Variants in LMO7 observed in about 807,000 individuals in gnomAD.
The protein encoded by LMO7 is LIM domain only protein 7.
Under a neutral mutation model 206.5 loss-of-function variants are expected in LMO7, and 120 were observed. The observed-to-expected ratio is 0.58, with a 90% CI of 0.50 to 0.68. The LOEUF (loss-of-function observed/expected upper bound fraction) is 0.68, where lower values mean the gene tolerates loss of function less well. LMO7 is among the 30% of genes least tolerant of loss of function. The pLI, the probability that LMO7 is intolerant of heterozygous loss-of-function variation, is 0.00. For synonymous variants in LMO7, 706 were observed against 681.5 expected, an observed-to-expected ratio of 1.04 and a Z score of -0.56; for missense variants, 1,959 against 1,957.9, an observed-to-expected ratio of 1.00 and a Z score of -0.01.
At chr13:75,791,719 G>T (rs2053305971) in intron 4 of LMO7, among the ~76,000 whole-genome samples, 1 of 152,106 alleles carries the variant, frequency 6.6e-6, no homozygotes. Flanking sequence ...TGTGTCAGGT[G>T]GGCTAGTTGC....
chr13:75,734,201 T>C (rs1234461338), intron 3 of LMO7, among the ~76,000 whole-genome samples: 4 of 152,194 alleles, frequency 2.6e-5, no homozygotes, highest in Admixed American at 2.6e-4. Flanking sequence ...GGATTTTGTG[T>C]ATAAAATATA....
intron 3 of LMO7, among the ~76,000 whole-genome samples, chr13:75,746,486 T>C (rs1327827103): frequency 6.6e-6 from 1 of 152,166 alleles, no homozygotes; most frequent in Non-Finnish European, 1.5e-5. Flanking sequence ...TGGAATGGCC[T>C]GCGGGTGGGT....
intron 13 of LMO7, among the ~76,000 whole-genome samples, chr13:75,820,604 T>C (rs1395639189): frequency 6.6e-6 from 1 of 152,248 alleles, no homozygotes; most frequent in East Asian, 1.9e-4. Context: ...CATTAAAATC[T>C]CTTTACAATT....
rs183423960 is a variant in LMO7, at chr13:75,782,289, G to A, written c.318-13112G>A. ...TGAGGATTAAAAGGGAGAATTAGGAGTAGGTGTTTCATTTTCTTCAGCCAA... is the reference window on the plus strand; with the variant it reads ...TGAGGATTAAAAGGGAGAATTAGGAATAGGTGTTTCATTTTCTTCAGCCAA... On this transcript the variant is annotated intron_variant, in intron 4 of 30. Transcript: ENST00000377534. Among the ~76,000 whole-genome samples, 4 of 152,324 alleles carry A rather than the reference G, an allele frequency of 2.6e-5. No individual in the cohort carries two copies. The East Asian group carries it at 7.7e-4, about 29-fold the overall frequency.
chr13:75,717,772 C>T (rs1284320866), intron 2 of LMO7, among the ~76,000 whole-genome samples: 1 of 152,130 alleles, frequency 6.6e-6, no homozygotes, highest in South Asian at 2.1e-4. Context: ...CCCCCTGGGG[C>T]TTCCATGCAG....
At chr13:75,637,214 G>A (rs1419115481) in intron 1 of LMO7, among the ~76,000 whole-genome samples, 2 of 152,194 alleles carry the variant, frequency 1.3e-5, no homozygotes, top group East Asian at 3.9e-4. Context: ...GGGAGGGCAG[G>A]TGGAGGAGGT....
intron 1 of LMO7, among the ~76,000 whole-genome samples, chr13:75,704,387 C>G (rs2042504278): frequency 6.6e-6 from 1 of 152,088 alleles, no homozygotes; most frequent in South Asian, 2.1e-4. Flanking sequence ...TGGTTTGTAT[C>G]TTAAGTATCA....
intron 15 of LMO7, among the ~76,000 whole-genome samples, chr13:75,832,505 G>A (rs1365276852): frequency 1.3e-5 from 2 of 152,124 alleles, no homozygotes; most frequent in Non-Finnish European, 2.9e-5. Context: ...TCTTCATGTG[G>A]CATTTGGGCA....
At chr13:75,851,746 A>G (rs1202816888) in intron 27 of LMO7, among the ~76,000 whole-genome samples, 3 of 152,222 alleles carry the variant, frequency 2.0e-5, no homozygotes, top group African/African-American at 7.2e-5. Flanking sequence ...TTGGGAGCTA[A>G]ATCTGATTTT....
intron 1 of LMO7, among the ~76,000 whole-genome samples, chr13:75,663,462 G>A (rs1370177559): frequency 2.2e-4 from 17 of 75,726 alleles, no homozygotes; most frequent in Non-Finnish European, 4.0e-4. Flanking sequence ...ACGGAGCCTC[G>A]CTCTGTCGCC....
intron 3 of LMO7, among the ~76,000 whole-genome samples, chr13:75,752,767 AT>A (rs1266792322): frequency 6.6e-6 from 1 of 152,206 alleles, no homozygotes; most frequent in Non-Finnish European, 1.5e-5. Context: ...ACATGATTTC[AT>A]TTTTTAATGG....
intron 29 of LMO7, 41 bp downstream of exon 29, chr13:75,855,409 G>T (rs367786192): frequency 2.0e-4 from 276 of 1,360,680 alleles, no homozygotes; most frequent in Middle Eastern, 6.0e-4. Flanking sequence ...GCAAAGCTTT[G>T]CTTGGAGAGC....
At chr13:75,838,394 G>A in intron 20 of LMO7, 198 bp downstream of exon 20, 1 of 1,440,876 alleles carries the variant, frequency 6.9e-7, no homozygotes, top group East Asian at 3.0e-5. Context: ...CTGTGGTAAT[G>A]GGTCTTTGTG....
intron 1 of LMO7, among the ~76,000 whole-genome samples, chr13:75,701,873 G>A (rs1594373939): frequency 6.6e-6 from 1 of 152,290 alleles, no homozygotes; most frequent in African/African-American, 2.4e-5. Flanking sequence ...GACTCAGGTT[G>A]TCTTGGATTT....
intron 26 of LMO7, 125 bp from the exon 27 acceptor site, chr13:75,848,954 G>T: frequency 1.6e-6 from 1 of 627,752 alleles, no homozygotes; most frequent in Non-Finnish European, 2.8e-6. Flanking sequence ...GGCCATTCTT[G>T]CAGGAGTAAG....
upstream of LMO7, among the ~76,000 whole-genome samples, chr13:75,635,443 A>AC (rs1304751318): frequency 6.6e-6 from 1 of 151,324 alleles, no homozygotes; most frequent in Non-Finnish European, 1.5e-5. Flanking sequence ...CCCGCCCCCA[A>AC]CCCCCCGGCC....
At position 75,627,035 on chromosome 13, in the gene LMO7, G is replaced by A. The variant is rs140593567; in HGVS notation, c.225+3715G>A. The A allele has an allele frequency of 8.8e-4, 134 of 152,258 alleles. 2 individuals are homozygous for A. Among genetic ancestry groups the A allele is most frequent in the African/African-American group, 3.0e-3 (124 of 41,560 alleles). The allele number at this position is 152,258 out of a possible 1,614,324, so 9.4% of individuals were successfully genotyped here. On this transcript the variant is annotated intron_variant, in intron 2 of 29. Coordinates refer to the LMO7 transcript ENST00000341547. ...AAAAATTGTAGTTTAAACTTCTATA[G>A]GAAGTATAAATTTCCTCTAATGTAT...
At chr13:75,680,342 A>G (rs2040370043) in intron 1 of LMO7, among the ~76,000 whole-genome samples, 1 of 152,216 alleles carries the variant, frequency 6.6e-6, no homozygotes, top group South Asian at 2.1e-4. Flanking sequence ...TATTGTAAAC[A>G]GTGCTGCAGT....
chr13:75,815,801 A>G (rs899737839), intron 11 of LMO7, among the ~76,000 whole-genome samples: 1 of 152,168 alleles, frequency 6.6e-6, no homozygotes, highest in Admixed American at 6.5e-5. Flanking sequence ...GGGCTTGATA[A>G]CTAATGGAAA....
Sources: allele counts gnomAD v4.1 joint callset (sites outside exome capture counted in the v4.1 genomes callset), GRCh38; gene constraint gnomAD v4.1.1; transcripts MANE v1.5; gene names NCBI Gene and HGNC (gene_info 2026-07-23, HGNC 2026-07-21).